The following RANBP2 variants were observed in gnomAD, a reference collection of about 807,000 sequenced individuals.
RANBP2 encodes RAN binding protein 2.
Under a neutral mutation model 303.6 loss-of-function variants are expected in RANBP2, and 57 were observed. The observed-to-expected ratio is 0.19, with a 90% CI of 0.15 to 0.23. The LOEUF (loss-of-function observed/expected upper bound fraction) is 0.23, where lower values mean the gene tolerates loss of function less well. Among genes scored for constraint, RANBP2 ranks in the 10% least tolerant of loss-of-function variants. The pLI is 1.00. For synonymous variants in RANBP2, 1,167 were observed against 1,301.5 expected, an observed-to-expected ratio of 0.90 and a Z score of 2.23; for missense variants, 3,138 against 3,780.8, an observed-to-expected ratio of 0.83 and a Z score of 4.46.
chr2:108,931,493 C>T, the RANBP2 span, among the ~76,000 whole-genome samples: 6 of 152,202 alleles, frequency 3.9e-5, no homozygotes, highest in Non-Finnish European at 8.8e-5. Flanking sequence ...TAGTGTTCTT[C>T]CCTCTCTCTG....
chr2:108,829,347 C>T, the RANBP2 span, among the ~76,000 whole-genome samples: 1 of 152,120 alleles, frequency 6.6e-6, no homozygotes, highest in African/African-American at 2.4e-5. Flanking sequence ...GCTATTTCTC[C>T]AAAGATAAAG....
At chr2:109,652,619 A>C in the RANBP2 span, among the ~76,000 whole-genome samples, 1 of 152,204 alleles carries the variant, frequency 6.6e-6, no homozygotes, top group Non-Finnish European at 1.5e-5. Context: ...TTCCTCCTGC[A>C]CGTGCACAGC....
chr2:108,798,570 T>C, the RANBP2 span: 1 of 1,608,800 alleles, frequency 6.2e-7, no homozygotes, highest in Non-Finnish European at 8.5e-7. Context: ...CTTACAAGAT[T>C]TCAAATTATA....
chr2:108,795,382 C>A, the RANBP2 span, among the ~76,000 whole-genome samples: 1 of 152,110 alleles, frequency 6.6e-6, no homozygotes, highest in African/African-American at 2.4e-5. Context: ...TCTTGAACTT[C>A]TGACCTCAGG....
chr2:109,201,316 G>T, the RANBP2 span, among the ~76,000 whole-genome samples: 1 of 152,188 alleles, frequency 6.6e-6, no homozygotes, highest in African/African-American at 2.4e-5. Flanking sequence ...TCTCCCACAG[G>T]CCTCCCTGAT....
chr2:109,416,746 C>T, the RANBP2 span, among the ~76,000 whole-genome samples: 6 of 151,564 alleles, frequency 4.0e-5, no homozygotes, highest in South Asian at 4.2e-4. Context: ...ACAACAACAA[C>T]GAACAAAATA....
At chr2:109,593,165 C>A in the RANBP2 span, 1 of 1,245,408 alleles carries the variant, frequency 8.0e-7, no homozygotes, top group Non-Finnish European at 1.1e-6. Flanking sequence ...AAACATTACT[C>A]CCCAAACCCC....
chr2:109,595,460 G>A, the RANBP2 span, among the ~76,000 whole-genome samples: 1 of 152,146 alleles, frequency 6.6e-6, no homozygotes, highest in Admixed American at 6.6e-5. Flanking sequence ...CAGTCATCAT[G>A]TGGTACCTAA....
Position 108,723,085 on chromosome 2 carries a change from A to G in RANBP2, c.72+3407A>G, listed in dbSNP as rs950632290. 7.2e-5 allele frequency among the ~76,000 whole-genome samples: 11 copies of G among 151,968 alleles called. 1 individual carries two copies. In the South Asian group the frequency reaches 1.5e-3, roughly 20 times the overall value. On this transcript the variant is annotated intron_variant, in intron 1 of 28. Coordinates refer to ENST00000283195, the MANE Select transcript of RANBP2 (RefSeq NM_006267.5). ...AGAATAGGGTCTTGCTGTGTTGCCC[A>G]GGCTGCCATCAAATTTTTGGGCGTA...
At chr2:108,957,017 C>T in the RANBP2 span, among the ~76,000 whole-genome samples, 17 of 152,304 alleles carry the variant, frequency 1.1e-4, no homozygotes, top group East Asian at 2.7e-3. Context: ...GTCAAACTCC[C>T]GACCTCAGGT....
chr2:109,400,527 G>C, the RANBP2 span, among the ~76,000 whole-genome samples: 83 of 151,256 alleles, frequency 5.5e-4, 3 homozygotes, highest in East Asian at 0.016. Flanking sequence ...GTGCACACCT[G>C]CAGATACACA....
chr2:108,858,345 AAAACAAAC>A, the RANBP2 span, among the ~76,000 whole-genome samples: 1 of 151,934 alleles, frequency 6.6e-6, no homozygotes, highest in Middle Eastern at 3.4e-3. Context: ...CTCCGTCTCA[AAAACAAAC>A]AAACAAACAA....
the RANBP2 span, among the ~76,000 whole-genome samples, chr2:109,107,820 C>T: frequency 6.6e-6 from 1 of 152,204 alleles, no homozygotes; most frequent in African/African-American, 2.4e-5. Flanking sequence ...ACTGCAACCT[C>T]CATCTCCCGG....
chr2:109,251,463 C>A, the RANBP2 span: 1 of 731,194 alleles, frequency 1.4e-6, no homozygotes, highest in East Asian at 2.7e-5. Flanking sequence ...AATCTATGGA[C>A]AAGAAGTTGT....
At chr2:109,501,885 A>C in the RANBP2 span, 1 of 533,540 alleles carries the variant, frequency 1.9e-6, no homozygotes, top group Non-Finnish European at 3.4e-6. Flanking sequence ...GATGTTCTTC[A>C]AGGAAATGCC....
rs140650569 is a variant in RANBP2, at chr2:108,731,411, A to T, written c.342A>T (p.Ala114=). The change falls in exon 4 of 29, where the codon GCA becomes GCT. Residue 114 remains alanine, a synonymous_variant. Transcript: ENST00000283195. ...AAAATGATGTTACTGATGGAAGAGC[A>T]AAATACTGGCTTGAAAGAGCAGCCA... The part of the protein sequence containing the change: ...LCKNDVTDGR[A]KYWLERAAKL... 491 of 1,611,482 alleles carry T rather than the reference A, an allele frequency of 3.0e-4. No homozygotes were observed. Among genetic ancestry groups the T allele is most frequent in the Non-Finnish European group, 4.0e-4 (475 of 1,179,606 alleles).
At chr2:109,128,222 T>C in the RANBP2 span, 1 of 152,248 alleles carries the variant, frequency 6.6e-6, no homozygotes, top group African/African-American at 2.4e-5. Flanking sequence ...CCTGCTGCTC[T>C]CGGTCCTCCT....
the RANBP2 span, among the ~76,000 whole-genome samples, chr2:108,865,573 A>T: frequency 2.0e-5 from 3 of 152,320 alleles, no homozygotes; most frequent in Admixed American, 2.0e-4. Context: ...GCCCTGACAG[A>T]AATTCTGGGA....
At chr2:109,418,943 A>T in the RANBP2 span, among the ~76,000 whole-genome samples, 4 of 151,912 alleles carry the variant, frequency 2.6e-5, no homozygotes, top group Non-Finnish European at 5.9e-5. Flanking sequence ...CGGCCCCCCC[A>T]CTGTCCCCAG....
Sources: gnomAD v4.1 joint callset for allele counts (sites outside exome capture counted in the v4.1 genomes callset) on GRCh38, gnomAD v4.1.1 for gene constraint, MANE v1.5 for transcripts, NCBI Gene and HGNC (gene_info 2026-07-23, HGNC 2026-07-21) for gene names.